CARMIL1: variants seen among roughly 807,000 people sequenced by gnomAD.
CARMIL1 encodes the protein F-actin-uncapping protein LRRC16A.
A neutral mutation model predicts 177.1 loss-of-function variants in CARMIL1; 90 were observed. That is an observed-to-expected ratio of 0.51 (90% CI 0.43 to 0.61). The LOEUF (loss-of-function observed/expected upper bound fraction) is 0.61, where lower values mean the gene tolerates loss of function less well. Ranked by LOEUF, CARMIL1 falls within the 20% of genes least tolerant of loss-of-function variation. The probability of loss-of-function intolerance (pLI) is 0.00; values close to 1 mark genes in which losing one functional copy is unlikely to be tolerated. For synonymous variants in CARMIL1, 577 were observed against 606.2 expected, an observed-to-expected ratio of 0.95 and a Z score of 0.71; for missense variants, 1,380 against 1,667.0, an observed-to-expected ratio of 0.83 and a Z score of 3.00.
chr6:25,440,796 A>G (rs1476130755), intron 5 of CARMIL1, among the ~76,000 whole-genome samples: 8 of 152,136 alleles, frequency 5.3e-5, no homozygotes, highest in Admixed American at 5.2e-4. Flanking sequence ...TAGAATCCTT[A>G]GACCTTGTAT....
intron 2 of CARMIL1, among the ~76,000 whole-genome samples, chr6:25,316,719 A>G (rs553930906): frequency 4.9e-4 from 74 of 152,190 alleles, no homozygotes; most frequent in South Asian, 3.7e-3. Flanking sequence ...CATTATTATT[A>G]TAATTTTTTT....
chr6:25,345,820 T>G (rs1446264331), intron 2 of CARMIL1, among the ~76,000 whole-genome samples: 2 of 152,170 alleles, frequency 1.3e-5, no homozygotes, highest in Non-Finnish European at 2.9e-5. Context: ...TTTCGCCATG[T>G]TGGCTAGGCT....
At chr6:25,308,674 C>A (rs750619178) in intron 2 of CARMIL1, among the ~76,000 whole-genome samples, 2 of 115,424 alleles carry the variant, frequency 1.7e-5, no homozygotes, top group Non-Finnish European at 4.0e-5. Flanking sequence ...AGCCACTGTT[C>A]CGGCCATTTT....
intron 9 of CARMIL1, among the ~76,000 whole-genome samples, chr6:25,468,865 G>T (rs897725390): frequency 6.6e-6 from 1 of 152,154 alleles, no homozygotes; most frequent in Non-Finnish European, 1.5e-5. Context: ...AATCTTCAAA[G>T]CATTATGGTA....
chr6:25,334,688 C>T (rs2150297520), intron 2 of CARMIL1, among the ~76,000 whole-genome samples: 1 of 152,046 alleles, frequency 6.6e-6, no homozygotes, highest in East Asian at 1.9e-4. Context: ...AGATATTTAT[C>T]TTGTGATTTC....
chr6:25,328,254 CA>C (rs1785300329), intron 2 of CARMIL1, among the ~76,000 whole-genome samples: 1 of 152,080 alleles, frequency 6.6e-6, no homozygotes, highest in African/African-American at 2.4e-5. Context: ...AAAGGGATAT[CA>C]AGGACTAATG....
Position 25,451,995 on chromosome 6 carries a change from T to TCCCCCCCCCC in CARMIL1, c.614+1293_614+1294insCCCCCCCCCC, listed in dbSNP as rs748360806. ...TCATCACTAGCATCTTGCCCCCCCC[T>TCCCCCCCCCC]CCCCCCCCCAGAATACTGTTTTGAA... On this transcript the variant is annotated intron_variant, in intron 8 of 36. Transcript: ENST00000329474. 21 of 144,280 alleles carry TCCCCCCCCCC rather than the reference T, an allele frequency of 1.5e-4. 1 individual carries two copies. The highest frequency in any genetic ancestry group is 2.3e-4 in the African/African-American group (5 of 21,648). The allele number at this position is 144,280 out of a possible 1,614,324, so 8.9% of individuals were successfully genotyped here.
In CARMIL1 at chr6:25,509,542, T is replaced by C; in HGVS notation, c.1396-114T>C. 1.4e-6 allele frequency: 1 copy of C among 706,644 alleles called. No individual in the cohort carries two copies. The highest frequency in any genetic ancestry group is 1.8e-5 in the South Asian group (1 of 57,084). 43.8% of individuals were successfully genotyped at this position (706,644 alleles called of 1,614,324 possible). A position where few individuals can be genotyped will look rare whatever the true frequency, so the allele number is the denominator to read the frequency against. ...CTTTGGAGTTGATAAGCTTTTACTT[T>C]TTCTTTGGTACTAAGTTTATTTTAA... On this transcript the variant is annotated intron_variant, in intron 17 of 36. Coordinates refer to ENST00000329474, the MANE Select transcript of CARMIL1 (RefSeq NM_017640.6). This position sits in a 1 kb window ranked among gnomAD's most constrained non-coding sequence, Gnocchi z 4.1.
intron 2 of CARMIL1, among the ~76,000 whole-genome samples, chr6:25,287,693 G>C (rs1004138938): frequency 5.3e-5 from 8 of 152,222 alleles, no homozygotes; most frequent in African/African-American, 1.9e-4. Context: ...GATTTGGCGA[G>C]GCCAAAGTAA....
intron 36 of CARMIL1, among the ~76,000 whole-genome samples, chr6:25,614,792 T>A (rs1443241372): frequency 6.6e-6 from 1 of 152,214 alleles, no homozygotes; most frequent in Non-Finnish European, 1.5e-5. Context: ...GATCATCCAA[T>A]GAGGCTTTGC....
At chr6:25,489,111 GC>G (rs1457411055) in intron 13 of CARMIL1, among the ~76,000 whole-genome samples, 1 of 152,078 alleles carries the variant, frequency 6.6e-6, no homozygotes, top group African/African-American at 2.4e-5. Flanking sequence ...GTTGTGGTGA[GC>G]CGAGATTACA....
At position 25,279,453 on chromosome 6, in the gene CARMIL1, C is replaced by G. The variant is rs1364835710; in HGVS notation, c.-343C>G. 3 of 415,802 alleles carry G rather than the reference C, an allele frequency of 7.2e-6. No individual in the cohort carries two copies. Among genetic ancestry groups the G allele is most frequent in the African/African-American group, 4.2e-5 (2 of 48,076 alleles). 25.8% of individuals were successfully genotyped at this position (415,802 alleles called of 1,614,324 possible). On this transcript the variant is annotated 5_prime_UTR_variant, in exon 1 of 37. Transcript: ENST00000329474. ...TGGGCGGGAGCTACGCCGGCCCAAG[C>G]CCCGCCGGGGACCAGCGAGCCGGGA...
intron 2 of CARMIL1, chr6:25,393,597 G>A (rs1793091041): frequency 1.3e-5 from 2 of 151,978 alleles, no homozygotes; most frequent in East Asian, 3.9e-4. Context: ...TTTTAGGTAG[G>A]GCATGGTGGC....
intron 36 of CARMIL1, among the ~76,000 whole-genome samples, chr6:25,617,217 A>G (rs3804102): frequency 0.63 from 95,688 of 152,010 alleles, 30,391 homozygotes; most frequent in East Asian, 0.83. Flanking sequence ...ACTTTTTGCA[A>G]GAAGATTTCT....
intron 2 of CARMIL1, among the ~76,000 whole-genome samples, chr6:25,380,556 T>C (rs572691479): frequency 6.6e-6 from 1 of 152,312 alleles, no homozygotes; most frequent in South Asian, 2.1e-4. Context: ...TTACAAAATT[T>C]CCAGATAATG....
intron 4 of CARMIL1, among the ~76,000 whole-genome samples, chr6:25,430,774 A>G (rs1310508451): frequency 2.0e-5 from 3 of 152,178 alleles, no homozygotes; most frequent in African/African-American, 7.2e-5. Flanking sequence ...TTCCTTAATG[A>G]TATAGATCCA....
chr6:25,329,607 A>G (rs991880390), intron 2 of CARMIL1, among the ~76,000 whole-genome samples: 35 of 152,366 alleles, frequency 2.3e-4, no homozygotes, highest in African/African-American at 7.5e-4. Context: ...TCAGACCAGG[A>G]TATGGCTGAG....
At position 25,472,471 on chromosome 6, in the gene CARMIL1, A is replaced by G; in HGVS notation, c.824A>G (p.Asn275Ser). 2 of 1,583,946 alleles carry G rather than the reference A, an allele frequency of 1.3e-6. No individual in the cohort carries two copies. The highest frequency in any genetic ancestry group is 8.6e-7 in the Non-Finnish European group (1 of 1,164,248). Residue 275 changes from asparagine (N) to serine (S), a missense_variant, in exon 11 of 37, where the codon AAC (asparagine) becomes AGC (serine). Transcript: ENST00000329474. ...GCCAGTGCTCTAGCACATAATCCCAACTCAGGACTCCACACAATTAACCTT... is the reference window on the plus strand; with the variant it reads ...GCCAGTGCTCTAGCACATAATCCCAGCTCAGGACTCCACACAATTAACCTT... ...KLASALAHNP[N>S]SGLHTINLAG...
At chr6:25,378,863 T>C (rs993848638) in intron 2 of CARMIL1, among the ~76,000 whole-genome samples, 3 of 150,356 alleles carry the variant, frequency 2.0e-5, no homozygotes, top group Non-Finnish European at 4.4e-5. Flanking sequence ...ATGCTCACAG[T>C]GCCTCCAATC....
Sources: gnomAD v4.1 joint callset for allele counts (sites outside exome capture counted in the v4.1 genomes callset) on GRCh38, gnomAD v4.1.1 for gene constraint, Gnocchi (gnomAD v3.1) non-coding constraint, MANE v1.5 for transcripts, NCBI Gene and HGNC (gene_info 2026-07-23, HGNC 2026-07-21) for gene names.